SNX30: variants seen among roughly 807,000 people sequenced by gnomAD.
The protein encoded by SNX30 is sorting nexin-30.
Under a neutral mutation model 46.4 loss-of-function variants are expected in SNX30, and 24 were observed. The ratio of observed to expected loss-of-function variants is 0.52; its 90% CI spans 0.37 to 0.73. The LOEUF is 0.73. SNX30 is among the 30% of genes least tolerant of loss of function. The pLI, the probability that SNX30 is intolerant of heterozygous loss-of-function variation, is 0.00. For missense variants in SNX30, 533 were observed against 555.7 expected (o/e 0.96, Z 0.41); for synonymous variants, 189 against 211.5 (o/e 0.89, Z 0.92).
intron 6 of SNX30, among the ~76,000 whole-genome samples, chr9:112,839,495 G>A (rs559637893): frequency 1.5e-4 from 23 of 152,272 alleles, no homozygotes; most frequent in African/African-American, 5.1e-4. Context: ...AAAATCTTTG[G>A]CCTCAAATTC....
chr9:112,827,983 A>G (rs746432442), intron 3 of SNX30, among the ~76,000 whole-genome samples: 12 of 152,232 alleles, frequency 7.9e-5, no homozygotes, highest in Non-Finnish European at 1.6e-4. Context: ...TAGTAGGGCT[A>G]TAAAGCTGAA....
intron 7 of SNX30, among the ~76,000 whole-genome samples, chr9:112,858,236 G>A (rs979600631): frequency 6.6e-6 from 1 of 152,172 alleles, no homozygotes; most frequent in Non-Finnish European, 1.5e-5. Context: ...GAAATGCTGA[G>A]GGTGGTGGCC....
chr9:112,858,962 C>T (rs1456055562), intron 7 of SNX30, among the ~76,000 whole-genome samples: 1 of 152,150 alleles, frequency 6.6e-6, no homozygotes. Flanking sequence ...ATAAAATTTG[C>T]CATCTTAACC....
chr9:112,753,261 C>T (rs1839303681), intron 1 of SNX30, among the ~76,000 whole-genome samples: 1 of 152,098 alleles, frequency 6.6e-6, no homozygotes, highest in Non-Finnish European at 1.5e-5. Flanking sequence ...AAGACAAATT[C>T]CCCGTACCAC....
At chr9:112,788,876 G>A (rs147741861) in intron 1 of SNX30, among the ~76,000 whole-genome samples, 1,826 of 152,236 alleles carry the variant, frequency 0.012, 38 homozygotes, top group African/African-American at 0.041. Flanking sequence ...GCTCACCACA[G>A]CCTCAACCTC....
chr9:112,819,614 T>G (rs1301422896), intron 3 of SNX30, among the ~76,000 whole-genome samples: 2 of 152,208 alleles, frequency 1.3e-5, no homozygotes, highest in Non-Finnish European at 2.9e-5. Flanking sequence ...TCCCACATTT[T>G]ATTTAGCAGT....
chr9:112,750,686 C>A (rs1218453899), upstream of SNX30, among the ~76,000 whole-genome samples: 1 of 151,554 alleles, frequency 6.6e-6, no homozygotes, highest in Admixed American at 6.6e-5. Context: ...CTCCCCGCCC[C>A]CTCCCGGGCG....
At chr9:112,854,156 G>A (rs1465332918) in intron 7 of SNX30, among the ~76,000 whole-genome samples, 1 of 152,218 alleles carries the variant, frequency 6.6e-6, no homozygotes, top group African/African-American at 2.4e-5. Flanking sequence ...TGAAGGTTCG[G>A]AATAATAGGC....
chr9:112,768,663 T>C (rs1429155720), intron 1 of SNX30, among the ~76,000 whole-genome samples: 5 of 143,086 alleles, frequency 3.5e-5, no homozygotes, highest in African/African-American at 1.0e-4. Context: ...TTTTTTTTTT[T>C]TTTTTTTTTT....
intron 1 of SNX30, among the ~76,000 whole-genome samples, chr9:112,781,820 T>G (rs549251366): frequency 6.6e-6 from 1 of 151,376 alleles, no homozygotes; most frequent in East Asian, 2.0e-4. Context: ...TTTTGTATAT[T>G]TAGTAGAGAC....
intron 1 of SNX30, among the ~76,000 whole-genome samples, chr9:112,780,719 G>A (rs577210593): frequency 1.3e-5 from 2 of 152,168 alleles, no homozygotes; most frequent in Admixed American, 6.5e-5. Context: ...GGGTGATTTT[G>A]AGGACTGTCT....
chr9:112,853,330 G>A (rs779736977), intron 7 of SNX30, among the ~76,000 whole-genome samples: 1 of 152,188 alleles, frequency 6.6e-6, no homozygotes, highest in Non-Finnish European at 1.5e-5. Flanking sequence ...CACAAGGGAG[G>A]CGACAACAGA....
chr9:112,790,021 C>T (rs543101104), intron 1 of SNX30, among the ~76,000 whole-genome samples: 1 of 152,242 alleles, frequency 6.6e-6, no homozygotes, highest in Non-Finnish European at 1.5e-5. Context: ...ACTTAGAAAC[C>T]ATAGGCTATG....
intron 4 of SNX30, among the ~76,000 whole-genome samples, chr9:112,831,539 T>C (rs1294390138): frequency 6.6e-6 from 1 of 152,218 alleles, no homozygotes; most frequent in Non-Finnish European, 1.5e-5. Flanking sequence ...AGCTGCATTT[T>C]ACAGACAAGG....
At chr9:112,850,134 C>T (rs1404856162) in intron 6 of SNX30, among the ~76,000 whole-genome samples, 2 of 152,322 alleles carry the variant, frequency 1.3e-5, no homozygotes, top group South Asian at 2.1e-4. Flanking sequence ...TTTTGCACCC[C>T]GGGTGCCTAG....
chr9:112,751,028 G>T lies in SNX30; in HGVS notation c.27G>T (p.Leu9=). The T allele has an allele frequency of 7.0e-7, 1 of 1,432,620 alleles. No individual in the cohort carries two copies. Among genetic ancestry groups the T allele is most frequent in the Non-Finnish European group, 9.2e-7 (1 of 1,092,786 alleles). The allele number at this position is 1,432,620 out of a possible 1,614,324, so 88.7% of individuals were successfully genotyped here. A position where few individuals can be genotyped will look rare whatever the true frequency, so the allele number is the denominator to read the frequency against. ...TGGCGGGCGGGCCCCCCAAGGCCCTGCCGTCCACGGGGCCCCACTCCCTGC... is the reference window on the plus strand; with the variant it reads ...TGGCGGGCGGGCCCCCCAAGGCCCTTCCGTCCACGGGGCCCCACTCCCTGC... MAGGPPKA[L]PSTGPHSLRD... Residue 9 remains leucine (L), a synonymous_variant, in exon 1 of 9, where the codon CTG becomes CTT. Transcript: ENST00000374232.
intron 3 of SNX30, among the ~76,000 whole-genome samples, chr9:112,818,749 T>C (rs1267356423): frequency 1.3e-5 from 2 of 152,068 alleles, no homozygotes; most frequent in African/African-American, 2.4e-5. Context: ...CCAGCCTTTT[T>C]CCCCCCATGG....
intron 7 of SNX30, among the ~76,000 whole-genome samples, chr9:112,860,737 G>A (rs562258644): frequency 1.6e-4 from 24 of 152,266 alleles, no homozygotes; most frequent in Non-Finnish European, 2.8e-4. Flanking sequence ...ATAATGTTTG[G>A]GAGAACATAT....
At chr9:112,877,918 T>C (rs1432013259), downstream of SNX30, 6 of 152,226 alleles carry the variant, frequency 3.9e-5, no homozygotes, top group African/African-American at 7.2e-5. Flanking sequence ...GTGGTCTCGC[T>C]ATTTGCTCAG....
Sources: allele counts gnomAD v4.1 joint callset (sites outside exome capture counted in the v4.1 genomes callset), GRCh38; gene constraint gnomAD v4.1.1; transcripts MANE v1.5; gene names NCBI Gene and HGNC (gene_info 2026-07-23, HGNC 2026-07-21).